Variants in SF3B3 observed in about 807,000 individuals in gnomAD.
SF3B3 encodes splicing factor 3b subunit 3.
SF3B3 carries 33 observed loss-of-function variants against 139.2 expected under a neutral mutation model. The ratio of observed to expected loss-of-function variants is 0.24; its 90% CI spans 0.18 to 0.32. The LOEUF is 0.32. SF3B3 is among the 10% of genes least tolerant of loss of function. SF3B3 has a pLI of 1.00. For missense variants in SF3B3, 818 were observed against 1,509.4 expected (o/e 0.54, Z 7.59); for synonymous variants, 596 against 563.6 (o/e 1.06, Z -0.81).
chr16:70,566,378 C>T (rs1023891035), intron 20 of SF3B3, among the ~76,000 whole-genome samples: 2 of 151,844 alleles, frequency 1.3e-5, no homozygotes, highest in African/African-American at 4.8e-5. Flanking sequence ...GTCTGGTCAA[C>T]GTGGTGAAAT....
chr16:70,525,704 A>G (rs964867379), intron 1 of SF3B3, among the ~76,000 whole-genome samples: 8 of 151,878 alleles, frequency 5.3e-5, no homozygotes, highest in East Asian at 1.9e-4. Context: ...CGGTGGCTCA[A>G]CGCCTGTAAT....
chr16:70,568,203 T>C, intron 21 of SF3B3, 80 bp from the exon 22 acceptor site: 1 of 1,067,994 alleles, frequency 9.4e-7, no homozygotes, highest in Non-Finnish European at 1.5e-6. Context: ...CCTACGTATG[T>C]CATACGGAAA....
chr16:70,528,946 C>T lies in SF3B3; in HGVS notation c.144C>T (p.Gly48=). 1 of 1,614,078 alleles carries T rather than the reference C, an allele frequency of 6.2e-7. No homozygotes were observed. The highest frequency in any genetic ancestry group is 8.5e-7 in the Non-Finnish European group (1 of 1,179,958). Residue 48 remains glycine, a synonymous_variant, in exon 3 of 26, where the codon GGC becomes GGT. Coordinates refer to ENST00000302516, the MANE Select transcript of SF3B3 (RefSeq NM_012426.5). ...LELLRPDPNT[G]KVHTLLTVEV... is the part of the protein sequence containing the mutation. ...TGCTTCGCCCAGACCCCAACACTGG[C>T]AAAGTACATACCCTACTCACTGTGG...
At position 70,538,382 on chromosome 16, in the gene SF3B3, C is replaced by A. The variant is rs1217615885; in HGVS notation, c.885C>A (p.Thr295=). The change falls in exon 7 of 26, where the codon ACC becomes ACA. Residue 295 remains threonine (T), a synonymous_variant. Transcript: ENST00000302516. Reference sequence around the variant, plus strand: ...TTGTCTGCTCTGCAACCCATAAAACCAAATCGATGTTCTTCTTTTTGGCTC... The same window carrying A: ...TTGTCTGCTCTGCAACCCATAAAACAAAATCGATGTTCTTCTTTTTGGCTC... ...MIFVCSATHK[T]KSMFFFLAQT... 9 of 1,613,774 alleles carry A rather than the reference C, an allele frequency of 5.6e-6. No individual in the cohort carries two copies. In the East Asian group the frequency reaches 2.0e-4, roughly 36 times the overall value.
intron 5 of SF3B3, among the ~76,000 whole-genome samples, chr16:70,533,673 A>T (rs145875049): frequency 5.6e-4 from 86 of 152,382 alleles, no homozygotes; most frequent in African/African-American, 2.0e-3. Context: ...ATTTGTGGTC[A>T]TCTGCATTTC....
At chr16:70,541,175 GTTTGCC>G (rs1386422902) in intron 8 of SF3B3, among the ~76,000 whole-genome samples, 14 of 152,152 alleles carry the variant, frequency 9.2e-5, no homozygotes, top group Admixed American at 5.9e-4. Flanking sequence ...GCTCATTGTG[GTTTGCC>G]TTTCCCCGGT....
At chr16:70,545,816 C>T (rs2050262860) in intron 10 of SF3B3, among the ~76,000 whole-genome samples, 2 of 152,144 alleles carry the variant, frequency 1.3e-5, no homozygotes, top group Non-Finnish European at 2.9e-5. Flanking sequence ...AAACAAAGCA[C>T]TTAGCTTAAG....
At chr16:70,544,620 G>A in intron 10 of SF3B3, 87 bp downstream of exon 10, 1 of 780,066 alleles carries the variant, frequency 1.3e-6, no homozygotes, top group Non-Finnish European at 2.2e-6. Context: ...TGTTGTCAAA[G>A]ACATAGTTAA....
At chr16:70,548,327 T>C (rs1316419046) in intron 10 of SF3B3, 43 bp from the exon 11 acceptor site, 4 of 1,513,438 alleles carry the variant, frequency 2.6e-6, no homozygotes, top group Non-Finnish European at 3.7e-6. Flanking sequence ...GGTAGCTGAG[T>C]TGCATGCTCA....
At chr16:70,553,473 G>T (rs1320113314) in intron 11 of SF3B3, among the ~76,000 whole-genome samples, 4 of 152,090 alleles carry the variant, frequency 2.6e-5, no homozygotes, top group African/African-American at 9.7e-5. Context: ...GTCTTGTTCT[G>T]TCCTTTTTTT....
rs1250661389 is a variant in SF3B3 at position 70,574,075 on chromosome 16, C to A, written c.*2262C>A. Reference sequence around the variant, plus strand: ...CTGGTCCCCAGAATGTGTGCTGTTCCCACGCTGCTGCCTTTCTTGAGCTTG... The same window carrying A: ...CTGGTCCCCAGAATGTGTGCTGTTCACACGCTGCTGCCTTTCTTGAGCTTG... On this transcript the variant is annotated 3_prime_UTR_variant, in exon 26 of 26. Coordinates refer to ENST00000302516, the MANE Select transcript of SF3B3 (RefSeq NM_012426.5). 2.6e-5 allele frequency: 4 copies of A among 152,172 alleles called. No homozygotes were observed. Among genetic ancestry groups the A allele is most frequent in the African/African-American group, 9.7e-5 (4 of 41,442 alleles). 9.4% of individuals were successfully genotyped at this position (152,172 alleles called of 1,614,324 possible). A position where few individuals can be genotyped will look rare whatever the true frequency, so the allele number is the denominator to read the frequency against.
chr16:70,548,148 C>G (rs1048231360), intron 10 of SF3B3, among the ~76,000 whole-genome samples: 1 of 152,100 alleles, frequency 6.6e-6, no homozygotes, highest in African/African-American at 2.4e-5. Flanking sequence ...CAACTGTACC[C>G]TCTCAGACAT....
At chr16:70,550,981 A>G (rs373566070) in intron 11 of SF3B3, among the ~76,000 whole-genome samples, 5 of 152,348 alleles carry the variant, frequency 3.3e-5, no homozygotes, top group East Asian at 3.9e-4. Flanking sequence ...TGTACATTCC[A>G]GGTGTACTGA....
At chr16:70,553,841 C>A (rs2050352995) in intron 11 of SF3B3, among the ~76,000 whole-genome samples, 1 of 152,124 alleles carries the variant, frequency 6.6e-6, no homozygotes, top group Non-Finnish European at 1.5e-5. Context: ...TAGTGAAAAA[C>A]CAGAGAGGTC....
At chr16:70,568,941 C>A in intron 22 of SF3B3, 102 bp from the exon 23 acceptor site, 2 of 734,492 alleles carry the variant, frequency 2.7e-6, no homozygotes, top group Admixed American at 2.6e-5. Flanking sequence ...CTAGGCAGTG[C>A]CCCTGTGGCT....
intron 1 of SF3B3, among the ~76,000 whole-genome samples, chr16:70,525,957 CAA>C (rs920550920): frequency 4.5e-4 from 19 of 42,266 alleles, no homozygotes; most frequent in African/African-American, 1.4e-3. Flanking sequence ...TGAGACGCCT[CAA>C]AAAAAAAAAA....
intron 11 of SF3B3, chr16:70,550,498 G>C (rs76615275): frequency 0.026 from 4,923 of 187,040 alleles, 289 homozygotes; most frequent in African/African-American, 0.11. Context: ...GTCGGGTTCT[G>C]TTGGTTCACT....
intron 1 of SF3B3, chr16:70,524,967 C>A (rs991604717): frequency 6.7e-6 from 1 of 150,204 alleles, no homozygotes; most frequent in South Asian, 2.1e-4. Flanking sequence ...TGTGAGACAC[C>A]GCGCCCGGCC....
Position 70,576,753 on chromosome 16 carries a change from A to T in SF3B3, c.*4940A>T, listed in dbSNP as rs927037509. 2 of 152,210 alleles carry T rather than the reference A, an allele frequency of 1.3e-5. No homozygotes were observed. The highest frequency in any genetic ancestry group is 1.3e-4 in the Admixed American group (2 of 15,280). The allele number at this position is 152,210 out of a possible 1,614,324, so 9.4% of individuals were successfully genotyped here. On this transcript the variant is annotated 3_prime_UTR_variant, in exon 26 of 26. Coordinates refer to ENST00000302516, the MANE Select transcript of SF3B3 (RefSeq NM_012426.5). ...AAGAGGCAGCAAAGTCCATGAAGAG[A>T]GCACTGTATACAGTCAGATGACCTG... is the stretch of plus-strand genomic sequence containing the variant.
Sources: gnomAD v4.1 joint callset for allele counts (sites outside exome capture counted in the v4.1 genomes callset) on GRCh38, gnomAD v4.1.1 for gene constraint, MANE v1.5 for transcripts, NCBI Gene and HGNC (gene_info 2026-07-23, HGNC 2026-07-21) for gene names.